The following OCLN variants were observed in gnomAD, a reference collection of about 807,000 sequenced individuals.
OCLN encodes the protein occludin, also known as phosphatase 1, regulatory subunit 115.
In OCLN, 21 loss-of-function variants were observed where a neutral mutation model predicts 47.9. That is an observed-to-expected ratio of 0.44 (90% confidence interval 0.31 to 0.63). The LOEUF (loss-of-function observed/expected upper bound fraction) is 0.63, where lower values mean the gene tolerates loss of function less well. Among genes scored for constraint, OCLN ranks in the 30% least tolerant of loss-of-function variants. OCLN has a pLI of 0.08. For missense variants in OCLN, 360 were observed against 571.0 expected, an observed-to-expected ratio of 0.63 and a Z score of 3.77; for synonymous variants, 117 against 198.4, an observed-to-expected ratio of 0.59 and a Z score of 3.45.
intron 4 of OCLN, among the ~76,000 whole-genome samples, chr5:69,522,074 G>A (rs912302705): frequency 9.2e-5 from 14 of 152,120 alleles, no homozygotes; most frequent in Admixed American, 2.6e-4. Flanking sequence ...GGCCTCAAGT[G>A]ATCCTTGTGC....
At chr5:69,529,775 G>T (rs1364680646) in intron 4 of OCLN, among the ~76,000 whole-genome samples, 1 of 152,004 alleles carries the variant, frequency 6.6e-6, no homozygotes, top group East Asian at 1.9e-4. Context: ...GCTAATTTTT[G>T]TATTTTTAGT....
intron 4 of OCLN, among the ~76,000 whole-genome samples, chr5:69,523,724 T>C (rs1163229297): frequency 2.0e-5 from 3 of 151,982 alleles, no homozygotes; most frequent in Non-Finnish European, 4.4e-5. Flanking sequence ...TTAGTAGACA[T>C]GGGGTTTTGC....
At chr5:69,514,209 G>A (rs2111991112) in intron 4 of OCLN, 100 bp downstream of exon 4, 1 of 1,087,468 alleles carries the variant, frequency 9.2e-7, no homozygotes, top group South Asian at 1.3e-5. Flanking sequence ...ATTAATGTTT[G>A]TATATGTTGC....
At chr5:69,534,960 G>A in intron 5 of OCLN, 121 bp downstream of exon 5, 1 of 622,516 alleles carries the variant, frequency 1.6e-6, no homozygotes, top group Non-Finnish European at 2.9e-6. Flanking sequence ...AGCTGGATCT[G>A]GATCTTGGTA....
chr5:69,494,452 C>T (rs1409977865), intron 1 of OCLN, among the ~76,000 whole-genome samples: 1 of 152,234 alleles, frequency 6.6e-6, no homozygotes, highest in African/African-American at 2.4e-5. Flanking sequence ...TCCCAAAGTG[C>T]TGGGATTACA....
In OCLN at chr5:69,515,405, G is replaced by T. The variant is rs1195331052; in HGVS notation, c.891+1296G>T. On this transcript the variant is annotated intron_variant, in intron 4 of 8. Coordinates refer to ENST00000396442, the MANE Select transcript of OCLN (RefSeq NM_001205254.2). ...CAGACAGGGCGGCTGGCCGGGCAGGGGGCTGACCCCCCTACCTCCCTCCCA... is the reference window on the plus strand; with the variant it reads ...CAGACAGGGCGGCTGGCCGGGCAGGTGGCTGACCCCCCTACCTCCCTCCCA... Among the ~76,000 whole-genome samples, 181 of 143,948 alleles carry T rather than the reference G, an allele frequency of 1.3e-3. 1 individual carries two copies. The highest frequency in any genetic ancestry group is 2.5e-3 in the Non-Finnish European group (161 of 65,168). The allele number at this position is 143,948 out of a possible 152,430, so 94.4% of individuals were successfully genotyped here.
At chr5:69,496,479 T>C (rs1768295667) in intron 1 of OCLN, among the ~76,000 whole-genome samples, 1 of 152,118 alleles carries the variant, frequency 6.6e-6, no homozygotes, top group African/African-American at 2.4e-5. Flanking sequence ...TACAATAAAG[T>C]TTATTTTTCA....
intron 2 of OCLN, among the ~76,000 whole-genome samples, 156 bp downstream of exon 2, chr5:69,504,450 T>C (rs1768541469): frequency 6.6e-6 from 1 of 152,338 alleles, no homozygotes; most frequent in African/African-American, 2.4e-5. Context: ...GAAAACTGAA[T>C]TTCTCTCAAC....
chr5:69,518,261 A>G (rs1769032462), intron 4 of OCLN, among the ~76,000 whole-genome samples: 1 of 152,188 alleles, frequency 6.6e-6, no homozygotes, highest in African/African-American at 2.4e-5. Flanking sequence ...TGTGGACTTC[A>G]TTGTTTCTCT....
At chr5:69,522,556 C>T (rs144609842) in intron 4 of OCLN, among the ~76,000 whole-genome samples, 129 of 152,166 alleles carry the variant, frequency 8.5e-4, no homozygotes, top group Middle Eastern at 3.4e-3. Flanking sequence ...TGCACCCAAT[C>T]CAGTTTTTGT....
At chr5:69,525,256 C>T (rs2112032658) in intron 4 of OCLN, among the ~76,000 whole-genome samples, 1 of 152,078 alleles carries the variant, frequency 6.6e-6, no homozygotes, top group African/African-American at 2.4e-5. Context: ...AGGTGCCCGC[C>T]ACCACACCCA....
chr5:69,532,224 G>T (rs927730939), intron 4 of OCLN, among the ~76,000 whole-genome samples: 9 of 151,832 alleles, frequency 5.9e-5, no homozygotes, highest in African/African-American at 2.2e-4. Flanking sequence ...CAGATAATCT[G>T]ATGCTATTGG....
intron 4 of OCLN, among the ~76,000 whole-genome samples, chr5:69,533,800 A>G (rs1449514318): frequency 6.6e-6 from 1 of 152,040 alleles, no homozygotes; most frequent in East Asian, 1.9e-4. Flanking sequence ...CTACAGGTGC[A>G]TGCCACCACG....
At position 69,493,283 on chromosome 5, in the gene OCLN, G is replaced by C. The variant is rs1768194071; in HGVS notation, c.-69+383G>C. 6.6e-6 allele frequency among the ~76,000 whole-genome samples: 1 copy of C among 152,034 alleles called. No homozygotes were observed. The highest frequency in any genetic ancestry group is 6.5e-5 in the Admixed American group (1 of 15,268). On this transcript the variant is annotated intron_variant, in intron 1 of 8. Coordinates refer to ENST00000396442, the MANE Select transcript of OCLN (RefSeq NM_001205254.2). This position sits in a 1 kb window ranked among gnomAD's most constrained non-coding sequence, Gnocchi z 5.3. ...GCAGTTTGGGGGGGCGGCCTTCATG[G>C]AGAGGGATCCTGCGCCCAGCTCCTT...
intron 3 of OCLN, among the ~76,000 whole-genome samples, chr5:69,513,288 A>G (rs1379964064): frequency 6.6e-6 from 1 of 152,246 alleles, no homozygotes; most frequent in Non-Finnish European, 1.5e-5. Flanking sequence ...TGTTAAGAGT[A>G]GGAAGTTTCT....
chr5:69,496,775 G>A (rs188082934), intron 1 of OCLN, among the ~76,000 whole-genome samples: 34 of 151,982 alleles, frequency 2.2e-4, no homozygotes, highest in Non-Finnish European at 4.3e-4. Context: ...CATTGTCAAG[G>A]GGAGAACACT....
intron 3 of OCLN, among the ~76,000 whole-genome samples, chr5:69,510,661 G>A (rs1334107678): frequency 6.6e-6 from 1 of 152,128 alleles, no homozygotes; most frequent in Non-Finnish European, 1.5e-5. Context: ...TCCAGCCTGA[G>A]CGACAGAGCA....
intron 5 of OCLN, among the ~76,000 whole-genome samples, chr5:69,536,049 G>A (rs1455155433): frequency 1.3e-5 from 2 of 152,224 alleles, no homozygotes; most frequent in African/African-American, 4.8e-5. Context: ...CCCGGGAGGC[G>A]GAGGTTGTTG....
At position 69,494,704 on chromosome 5, in the gene OCLN, T is replaced by C. The variant is rs541517802; in HGVS notation, c.-69+1804T>C. Among the ~76,000 whole-genome samples, 53 of 152,210 alleles carry C rather than the reference T, an allele frequency of 3.5e-4. 1 individual carries two copies. In the East Asian group the frequency reaches 9.5e-3, roughly 27 times the overall value. The stretch of plus-strand genomic sequence containing the variant: ...GCAGTTTCCAGGCCATTTCGGGAAA[T>C]AGTGGGCAGCAGTGCCTCCTGCACG... On this transcript the variant is annotated intron_variant, in intron 1 of 8. Transcript: ENST00000396442.
Sources: allele counts gnomAD v4.1 joint callset (sites outside exome capture counted in the v4.1 genomes callset), GRCh38; gene constraint gnomAD v4.1.1; non-coding constraint Gnocchi (gnomAD v3.1); transcripts MANE v1.5; gene names NCBI Gene and HGNC (gene_info 2026-07-23, HGNC 2026-07-21).